CDH18: variants seen among roughly 807,000 people sequenced by gnomAD.
The protein encoded by CDH18 is cadherin-18.
In CDH18, 31 loss-of-function variants were observed where a neutral mutation model predicts 67.9. That is an observed-to-expected ratio of 0.46 (90% confidence interval 0.34 to 0.62). CDH18 has a LOEUF of 0.62. Ranked by LOEUF, CDH18 falls within the 20% of genes least tolerant of loss-of-function variation. CDH18 has a pLI of 0.01. For synonymous variants in CDH18, 362 were observed against 347.2 expected, an observed-to-expected ratio of 1.04 and a Z score of -0.48; for missense variants, 890 against 975.5, an observed-to-expected ratio of 0.91 and a Z score of 1.17.
intron 4 of CDH18, among the ~76,000 whole-genome samples, chr5:19,746,329 T>C (rs759133445): frequency 7.2e-5 from 11 of 152,186 alleles, no homozygotes; most frequent in Non-Finnish European, 1.3e-4. Context: ...ATTTTCTAAA[T>C]ATGTGAATTT....
chr5:19,571,389 A>G (rs960442522), intron 8 of CDH18, among the ~76,000 whole-genome samples, 190 bp downstream of exon 8: 1 of 152,228 alleles, frequency 6.6e-6, no homozygotes, highest in African/African-American at 2.4e-5. Context: ...AGATAGCAAA[A>G]TATGTTCTTA....
At chr5:20,560,302 G>T (rs184965146) in intron 1 of CDH18, among the ~76,000 whole-genome samples, 1 of 151,962 alleles carries the variant, frequency 6.6e-6, no homozygotes, top group Non-Finnish European at 1.5e-5. Context: ...CAGATACCTA[G>T]ATTGTTAGTC....
intron 1 of CDH18, among the ~76,000 whole-genome samples, chr5:20,425,502 G>C (rs1330118166): frequency 6.6e-6 from 1 of 151,042 alleles, no homozygotes. Context: ...ATTAAAACTG[G>C]ATACAGAGTG....
chr5:19,596,559 G>A lies in CDH18; in HGVS notation c.812-5315C>T, dbSNP rs1043814676. On this transcript the variant is annotated intron_variant, in intron 6 of 12. Transcript: ENST00000382275. ...AACCAAAGATGTCTTAGTTAACAGA[G>A]ATAAATAAATACATTATAGAATTAC... Among the ~76,000 whole-genome samples, 100 of 152,066 alleles carry A rather than the reference G, an allele frequency of 6.6e-4. 3 individuals carry two copies. Among genetic ancestry groups the A allele is most frequent in the Non-Finnish European group, 1.3e-4 (9 of 68,016 alleles).
intron 4 of CDH18, 39 bp downstream of exon 4, chr5:19,746,903 A>G: frequency 6.4e-7 from 1 of 1,552,014 alleles, no homozygotes; most frequent in Non-Finnish European, 8.8e-7. Context: ...GATTTTCTTA[A>G]TATGTTAATT....
rs1174712209 is a variant in CDH18, at chr5:19,473,447, G to C, written c.2152C>G (p.Gln718Glu). The C allele has an allele frequency of 3.1e-6, 5 of 1,613,658 alleles. No individual in the cohort carries two copies. Among genetic ancestry groups the C allele is most frequent in the Non-Finnish European group, 4.2e-6 (5 of 1,179,870 alleles). The change falls in exon 13 of 13, where the codon CAA becomes GAA. Residue 718 changes from glutamine to glutamate, a missense_variant. By Grantham distance (29) the Gln-to-Glu change is conservative (BLOSUM62 2). Coordinates refer to ENST00000382275, the MANE Select transcript of CDH18 (RefSeq NM_004934.5). ...TCTAGGTCTGCTTCTGCCAGTCTTT[G>C]CTTAATAAATTCCTGAACATCTATG... is the stretch of plus-strand genomic sequence containing the variant. ...ESIDVQEFIK[Q>E]RLAEADLDPS...
At chr5:19,502,358 T>G (rs530989590) in intron 11 of CDH18, among the ~76,000 whole-genome samples, 1 of 152,256 alleles carries the variant, frequency 6.6e-6, no homozygotes, top group South Asian at 2.1e-4. Context: ...AAGAATGACT[T>G]ATATGGAACC....
intron 5 of CDH18, among the ~76,000 whole-genome samples, chr5:19,673,315 G>A (rs987902485): frequency 6.6e-6 from 1 of 151,922 alleles, no homozygotes; most frequent in Non-Finnish European, 1.5e-5. Context: ...ATTTAAAACA[G>A]ATAATTTACA....
chr5:19,633,490 C>T (rs1156597418), intron 5 of CDH18, among the ~76,000 whole-genome samples: 1 of 151,962 alleles, frequency 6.6e-6, no homozygotes, highest in Non-Finnish European at 1.5e-5. Context: ...TATATTAATT[C>T]AAAAGAAATT....
At chr5:19,728,537 T>C (rs571683273) in intron 4 of CDH18, among the ~76,000 whole-genome samples, 1 of 152,296 alleles carries the variant, frequency 6.6e-6, no homozygotes, top group South Asian at 2.1e-4. Context: ...TTTTCGTTTG[T>C]TTTTTGGTAC....
intron 6 of CDH18, among the ~76,000 whole-genome samples, chr5:19,608,631 T>C (rs1748463501): frequency 6.6e-6 from 1 of 151,856 alleles, no homozygotes; most frequent in Admixed American, 6.6e-5. Context: ...CTGCCATCTA[T>C]TGAATTTTTA....
intron 3 of CDH18, among the ~76,000 whole-genome samples, chr5:19,748,106 C>T (rs1561215372): frequency 2.3e-4 from 1 of 4,348 alleles, no homozygotes; most frequent in Non-Finnish European, 1.1e-3. Flanking sequence ...GAGCGAGACT[C>T]CATCTCAAAA....
At position 20,178,642 on chromosome 5, in the gene CDH18, A is replaced by G. The variant is rs201051558; in HGVS notation, c.-518+76802T>C. Among the ~76,000 whole-genome samples the G allele has an allele frequency of 7.3e-5, 11 of 151,112 alleles. No individual in the cohort carries two copies. In the East Asian group the frequency reaches 2.0e-3, roughly 27 times the overall value. On this transcript the variant is annotated intron_variant, in intron 2 of 14. Transcript: ENST00000507958. Reference sequence around the variant, plus strand: ...AAGTGTCCTGCTTTTCTCACACACCAGGTGGCAAAATGGTGAGTGGAAAAT... The same window carrying G: ...AAGTGTCCTGCTTTTCTCACACACCGGGTGGCAAAATGGTGAGTGGAAAAT...
intron 1 of CDH18, among the ~76,000 whole-genome samples, chr5:20,360,024 T>A (rs944242627): frequency 4.0e-5 from 6 of 149,240 alleles, no homozygotes; most frequent in African/African-American, 1.5e-4. Flanking sequence ...ATATAATCAA[T>A]AACAAACTTG....
chr5:20,234,069 G>C (rs77068947), intron 2 of CDH18, among the ~76,000 whole-genome samples: 1,708 of 152,140 alleles, frequency 0.011, 34 homozygotes, highest in African/African-American at 0.039. Context: ...TGGTATAAGA[G>C]AAATGGGGAG....
chr5:19,851,739 ATGTGTGTGTGT>A (rs1783726031), intron 2 of CDH18, among the ~76,000 whole-genome samples: 2 of 150,194 alleles, frequency 1.3e-5, no homozygotes, highest in Non-Finnish European at 3.0e-5. Context: ...GGGAATATAT[ATGTGTGTGTGT>A]ATGTGTGTGT....
chr5:19,921,720 T>C (rs1792503555), intron 2 of CDH18, among the ~76,000 whole-genome samples: 1 of 152,142 alleles, frequency 6.6e-6, no homozygotes, highest in Admixed American at 6.5e-5. Flanking sequence ...AAAAGGGATA[T>C]GCAACATCAG....
At chr5:20,223,140 G>A (rs1473518873) in intron 2 of CDH18, among the ~76,000 whole-genome samples, 3 of 152,076 alleles carry the variant, frequency 2.0e-5, no homozygotes, top group Admixed American at 1.3e-4. Flanking sequence ...GCAGCCAGGA[G>A]GGGAGCTGTA....
At chr5:20,010,317 C>T (rs149358098) in intron 2 of CDH18, among the ~76,000 whole-genome samples, 1,752 of 152,142 alleles carry the variant, frequency 0.012, 42 homozygotes, top group African/African-American at 0.04. Context: ...TCAATTGATT[C>T]TCCTGCCTCA....
Sources: gnomAD v4.1 joint callset for allele counts (sites outside exome capture counted in the v4.1 genomes callset) on GRCh38, gnomAD v4.1.1 for gene constraint, MANE v1.5 for transcripts, NCBI Gene and HGNC (gene_info 2026-07-23, HGNC 2026-07-21) for gene names.